TENM1: variants seen among roughly 807,000 people sequenced by gnomAD.
TENM1 encodes teneurin transmembrane protein 1.
A neutral mutation model predicts 174.8 loss-of-function variants in TENM1; 35 were observed. The observed-to-expected ratio is 0.20, with a 90% CI of 0.15 to 0.27. The LOEUF (loss-of-function observed/expected upper bound fraction) is 0.27, where lower values mean the gene tolerates loss of function less well. Ranked by LOEUF, TENM1 falls within the 10% of genes least tolerant of loss-of-function variation. The pLI, the probability that TENM1 is intolerant of heterozygous loss-of-function variation, is 1.00. For missense variants in TENM1, 1,633 were observed against 2,130.1 expected, an observed-to-expected ratio of 0.77 and a Z score of 4.59; for synonymous variants, 781 against 798.7, an observed-to-expected ratio of 0.98 and a Z score of 0.37.
chrX:124,606,994 C>A, intron 11 of TENM1, among the ~76,000 whole-genome samples: 1 of 107,781 alleles, frequency 9.3e-6, no homozygotes. Context: ...AGAAGGAGGA[C>A]GAAAAGGAGG....
At chrX:124,771,969 C>A (rs2054662860) in intron 3 of TENM1, among the ~76,000 whole-genome samples, 1 of 111,770 alleles carries the variant, frequency 8.9e-6, no homozygotes, top group Non-Finnish European at 1.9e-5. Context: ...TAGTTACTTT[C>A]AAATGCACTG....
At chrX:125,028,360 T>G in the TENM1 span, among the ~76,000 whole-genome samples, 7 of 112,336 alleles carry the variant, frequency 6.2e-5, no homozygotes, top group Non-Finnish European at 1.9e-5. Context: ...AATGAAAACC[T>G]ATATGGATGC....
intron 4 of TENM1, among the ~76,000 whole-genome samples, chrX:124,716,675 T>C (rs1199848561): frequency 8.9e-6 from 1 of 111,988 alleles, no homozygotes; most frequent in African/African-American, 3.2e-5. Flanking sequence ...AAAATGTTAA[T>C]TGAATGTAGG....
the TENM1 span, among the ~76,000 whole-genome samples, chrX:125,160,701 T>C: frequency 9.1e-6 from 1 of 109,828 alleles, no homozygotes; most frequent in Non-Finnish European, 1.9e-5. Flanking sequence ...GCTCCTCCAC[T>C]TATCTATATG....
intron 6 of TENM1, among the ~76,000 whole-genome samples, chrX:124,667,934 A>G (rs1369541518): frequency 9.0e-6 from 1 of 111,466 alleles, no homozygotes; most frequent in East Asian, 2.8e-4. Context: ...TTCTTTAAAA[A>G]GTGCCATTCA....
chrX:124,437,104 ATTTTTTTT>A (rs35632932), intron 23 of TENM1, among the ~76,000 whole-genome samples: 2 of 34,908 alleles, frequency 5.7e-5, no homozygotes, highest in Admixed American at 5.0e-4. Context: ...TGCTCGGCTA[ATTTTTTTT>A]TTTTTTTTTT....
chrX:125,017,940 C>G, the TENM1 span, among the ~76,000 whole-genome samples: 857 of 111,231 alleles, frequency 7.7e-3, 3 homozygotes, highest in Non-Finnish European at 0.013. Context: ...ATGGGTGCAG[C>G]AAACCACTGT....
At chrX:124,668,435 A>G (rs1024222281) in intron 6 of TENM1, among the ~76,000 whole-genome samples, 7 of 112,270 alleles carry the variant, frequency 6.2e-5, no homozygotes, top group Non-Finnish European at 1.3e-4. Flanking sequence ...AATAGCGAAG[A>G]CTTGGAACCA....
At chrX:124,710,286 T>C (rs1227101198) in intron 4 of TENM1, among the ~76,000 whole-genome samples, 1 of 111,465 alleles carries the variant, frequency 9.0e-6, no homozygotes, top group African/African-American at 3.3e-5. Flanking sequence ...ATGGATTCGA[T>C]GCAGCAACAC....
chrX:124,862,170 C>G (rs976720522), intron 3 of TENM1, among the ~76,000 whole-genome samples: 2 of 111,793 alleles, frequency 1.8e-5, no homozygotes, highest in African/African-American at 3.3e-5. Context: ...ATAAACAAAG[C>G]CTTTAAAAAT....
intron 3 of TENM1, among the ~76,000 whole-genome samples, chrX:124,802,302 C>CT (rs1471742954): frequency 9.0e-6 from 1 of 111,438 alleles, no homozygotes; most frequent in Non-Finnish European, 1.9e-5. Context: ...TTTGTGGGGA[C>CT]TTTTTTTGGT....
intron 23 of TENM1, among the ~76,000 whole-genome samples, chrX:124,445,045 G>A (rs1458185039): frequency 9.0e-6 from 1 of 111,701 alleles, no homozygotes; most frequent in Non-Finnish European, 1.9e-5. Flanking sequence ...TTTTTCATAT[G>A]TATTAAAAAC....
intron 1 of TENM1, among the ~76,000 whole-genome samples, chrX:124,897,503 C>T (rs1254462282): frequency 9.0e-6 from 1 of 111,491 alleles, no homozygotes; most frequent in Non-Finnish European, 1.9e-5. Context: ...TAGAGGAAAG[C>T]AAGCAGAATA....
rs183699402 is a variant in TENM1, at chrX:124,450,585, T to C, written c.4104+2752A>G. 3.8e-4 allele frequency among the ~76,000 whole-genome samples: 43 copies of C among 111,844 alleles called. 1 individual carries two copies. Among genetic ancestry groups the C allele is most frequent in the African/African-American group, 1.3e-3 (41 of 30,818 alleles). On this transcript the variant is annotated intron_variant, in intron 23 of 31. Transcript: ENST00000422452. ...AATGGACTAATATATTTACCTTGTT[T>C]TTCTAGGTTTTAGGTGGTATGACAA...
chrX:124,683,533 G>A, intron 5 of TENM1, among the ~76,000 whole-genome samples: 1 of 111,858 alleles, frequency 8.9e-6, no homozygotes, highest in East Asian at 2.8e-4. Flanking sequence ...AAGTACATAA[G>A]AGAGAAATGG....
chrX:125,096,720 G>T, the TENM1 span, among the ~76,000 whole-genome samples: 1 of 110,752 alleles, frequency 9.0e-6, no homozygotes, highest in Non-Finnish European at 1.9e-5. Context: ...CCAAACATCA[G>T]ATGAGTGTTG....
At chrX:125,062,723 T>A in the TENM1 span, among the ~76,000 whole-genome samples, 1 of 111,826 alleles carries the variant, frequency 8.9e-6, no homozygotes, top group Non-Finnish European at 1.9e-5. Context: ...TTTATGTTTC[T>A]GGGCCCTCAT....
At chrX:124,803,860 T>C (rs1047202502) in intron 3 of TENM1, among the ~76,000 whole-genome samples, 1 of 112,564 alleles carries the variant, frequency 8.9e-6, no homozygotes, top group Non-Finnish European at 1.9e-5. Context: ...TACATTTCAT[T>C]TGAACCTCAT....
chrX:125,102,633 T>C, the TENM1 span, among the ~76,000 whole-genome samples: 9 of 112,053 alleles, frequency 8.0e-5, no homozygotes, highest in African/African-American at 2.9e-4. Flanking sequence ...CCAAAGCCAA[T>C]TGTCTTCATT....
Sources: gnomAD v4.1 joint callset for allele counts (sites outside exome capture counted in the v4.1 genomes callset) on GRCh38, gnomAD v4.1.1 for gene constraint, MANE v1.5 for transcripts, NCBI Gene and HGNC (gene_info 2026-07-23, HGNC 2026-07-21) for gene names.